Variants in TMPRSS15 observed in about 807,000 individuals in gnomAD.
The protein encoded by TMPRSS15 is enteropeptidase.
A neutral mutation model predicts 125.3 loss-of-function variants in TMPRSS15; 128 were observed. That is an observed-to-expected ratio of 1.02 (90% CI 0.89 to 1.18). The LOEUF (loss-of-function observed/expected upper bound fraction) is 1.18, where lower values mean the gene tolerates loss of function less well. Ranked by LOEUF, TMPRSS15 falls within the 50% of genes most tolerant of loss-of-function variation. The probability of loss-of-function intolerance (pLI) is 0.00; values close to 1 mark genes in which losing one functional copy is unlikely to be tolerated. For synonymous variants in TMPRSS15, 446 were observed against 423.2 expected (o/e 1.05, Z -0.66); for missense variants, 1,283 against 1,212.7 (o/e 1.06, Z -0.86).
At chr21:18,298,472 A>G (rs1051202523) in intron 18 of TMPRSS15, among the ~76,000 whole-genome samples, 1 of 152,130 alleles carries the variant, frequency 6.6e-6, no homozygotes, top group African/African-American at 2.4e-5. Flanking sequence ...GGAGAGAGAC[A>G]CCTCTGTGTG....
At position 18,392,115 on chromosome 21, in the gene TMPRSS15, A is replaced by C. The variant is rs149674912; in HGVS notation, c.344+5764T>G. Among the ~76,000 whole-genome samples the C allele has an allele frequency of 6.2e-4, 94 of 152,300 alleles. No homozygotes were observed. In the East Asian group the frequency reaches 0.013, roughly 21 times the overall value. ...CCTGTGATGGGAGGTCCTGCTATGA[A>C]GAACTCTGACATGCCACGGAGACAT... On this transcript the variant is annotated intron_variant, in intron 3 of 24. Coordinates refer to ENST00000284885, the MANE Select transcript of TMPRSS15 (RefSeq NM_002772.3).
chr21:18,284,720 A>G (rs759323740), intron 21 of TMPRSS15, among the ~76,000 whole-genome samples: 8 of 152,180 alleles, frequency 5.3e-5, no homozygotes, highest in Non-Finnish European at 1.2e-4. Context: ...GATCGCAAAG[A>G]TAGGGCATCT....
At chr21:18,413,293 T>TTTTC (rs1569064020) in intron 1 of TMPRSS15, among the ~76,000 whole-genome samples, 2 of 139,368 alleles carry the variant, frequency 1.4e-5, no homozygotes, top group Admixed American at 1.5e-4. Context: ...TCTTTCTTTC[T>TTTTC]TTTCTTTCTT....
chr21:18,270,293 C>A (rs2074540050), intron 24 of TMPRSS15, among the ~76,000 whole-genome samples, 169 bp from the exon 25 acceptor site: 1 of 152,100 alleles, frequency 6.6e-6, no homozygotes, highest in African/African-American at 2.4e-5. Flanking sequence ...GGAATGAGAA[C>A]CTCAGTAAGG....
intron 11 of TMPRSS15, 113 bp from the exon 12 acceptor site, chr21:18,343,769 G>T: frequency 7.4e-7 from 1 of 1,344,322 alleles, no homozygotes; most frequent in Non-Finnish European, 1.1e-6. Flanking sequence ...TTCCTTCTGG[G>T]TTTTGGAGTT....
At chr21:18,476,466 G>A (rs1314860920) in intron 1 of TMPRSS15, among the ~76,000 whole-genome samples, 1 of 151,982 alleles carries the variant, frequency 6.6e-6, no homozygotes, top group African/African-American at 2.4e-5. Context: ...GCTTTTGGGG[G>A]GTTTTTGCAA....
intron 6 of TMPRSS15, among the ~76,000 whole-genome samples, chr21:18,371,988 A>T (rs2075795664): frequency 6.6e-6 from 1 of 151,956 alleles, no homozygotes; most frequent in Admixed American, 6.6e-5. Flanking sequence ...AATATTATTT[A>T]TAAAGTTTAG....
chr21:18,380,407 T>C (rs2075882253), intron 4 of TMPRSS15: 1 of 374,470 alleles, frequency 2.7e-6, no homozygotes, highest in Non-Finnish European at 5.6e-6. Flanking sequence ...TCCTAACCAA[T>C]ATAAGCTTCT....
intron 10 of TMPRSS15, among the ~76,000 whole-genome samples, chr21:18,348,551 G>A (rs963531102): frequency 6.6e-6 from 1 of 152,046 alleles, no homozygotes; most frequent in Non-Finnish European, 1.5e-5. Flanking sequence ...CTGATGCATG[G>A]CCTAAATTCA....
At chr21:18,341,344 TATA>T in intron 13 of TMPRSS15, 66 bp downstream of exon 13, 5 of 1,592,120 alleles carry the variant, frequency 3.1e-6, no homozygotes, top group Non-Finnish European at 4.3e-6. Flanking sequence ...GTGCTGGAAT[TATA>T]GCTGTGAGCC....
chr21:18,452,380 T>G (rs1978352968), intron 1 of TMPRSS15, among the ~76,000 whole-genome samples: 1 of 152,176 alleles, frequency 6.6e-6, no homozygotes, highest in Admixed American at 6.5e-5. Flanking sequence ...ATATTAAAAT[T>G]AGGCTGGGTA....
chr21:18,437,972 C>A (rs2076231765), intron 1 of TMPRSS15, among the ~76,000 whole-genome samples: 1 of 151,530 alleles, frequency 6.6e-6, no homozygotes, highest in South Asian at 2.1e-4. Flanking sequence ...CATCCCATTA[C>A]TGTGTATATA....
At chr21:18,316,256 T>A (rs2075165799) in intron 16 of TMPRSS15, among the ~76,000 whole-genome samples, 1 of 152,154 alleles carries the variant, frequency 6.6e-6, no homozygotes. Flanking sequence ...TCAACTCACC[T>A]CTTCCTCGTA....
intron 1 of TMPRSS15, among the ~76,000 whole-genome samples, chr21:18,445,325 C>A (rs1182848725): frequency 6.6e-6 from 1 of 151,498 alleles, no homozygotes; most frequent in African/African-American, 2.4e-5. Context: ...AGATTACAGT[C>A]ATGCACCACC....
intron 1 of TMPRSS15, among the ~76,000 whole-genome samples, chr21:18,457,259 A>G (rs957332290): frequency 3.9e-5 from 6 of 152,140 alleles, no homozygotes; most frequent in Non-Finnish European, 8.8e-5. Flanking sequence ...GTTAGACACG[A>G]AAAATGAAAG....
intron 17 of TMPRSS15, among the ~76,000 whole-genome samples, chr21:18,313,303 T>C (rs188127749): frequency 4.6e-5 from 7 of 151,946 alleles, no homozygotes; most frequent in African/African-American, 1.4e-4. Context: ...AGGTGATGGA[T>C]AGGTTGATTA....
At chr21:18,440,554 T>C (rs993988635) in intron 1 of TMPRSS15, among the ~76,000 whole-genome samples, 2 of 151,996 alleles carry the variant, frequency 1.3e-5, no homozygotes, top group African/African-American at 2.4e-5. Flanking sequence ...TCAGGATGAA[T>C]TGTAGGATCA....
chr21:18,321,592 C>T (rs2075237781), intron 16 of TMPRSS15, among the ~76,000 whole-genome samples: 3 of 152,104 alleles, frequency 2.0e-5, no homozygotes, highest in Admixed American at 2.0e-4. Context: ...GCCTCTCGAT[C>T]CGCCCGCCTT....
chr21:18,482,641 A>T (rs1463673781), intron 1 of TMPRSS15, among the ~76,000 whole-genome samples: 3 of 151,576 alleles, frequency 2.0e-5, no homozygotes, highest in Non-Finnish European at 4.4e-5. Flanking sequence ...TGTAATTGCT[A>T]TATTGGTTAG....
Sources: gnomAD v4.1 joint callset for allele counts (sites outside exome capture counted in the v4.1 genomes callset) on GRCh38, gnomAD v4.1.1 for gene constraint, MANE v1.5 for transcripts, NCBI Gene and HGNC (gene_info 2026-07-23, HGNC 2026-07-21) for gene names.